The following PLCXD3 variants were observed in gnomAD, a reference collection of about 807,000 sequenced individuals.
PLCXD3 encodes the protein PI-PLC X domain-containing protein 3.
In PLCXD3, 19 loss-of-function variants were observed where a neutral mutation model predicts 25.5. The ratio of observed to expected loss-of-function variants is 0.75; its 90% confidence interval spans 0.52 to 1.09. PLCXD3 has a LOEUF of 1.09. PLCXD3 is among the 50% of genes least tolerant of loss of function. PLCXD3 has a pLI of 0.00. For missense variants in PLCXD3, 411 were observed against 388.1 expected, an observed-to-expected ratio of 1.06 and a Z score of -0.50; for synonymous variants, 174 against 137.6, an observed-to-expected ratio of 1.26 and a Z score of -1.85.
intron 2 of PLCXD3, among the ~76,000 whole-genome samples, chr5:41,337,621 C>T (rs543449576): frequency 1.6e-3 from 250 of 152,288 alleles, no homozygotes; most frequent in African/African-American, 5.7e-3. Flanking sequence ...TTGACCATAA[C>T]ATCCCAGGTG....
intron 1 of PLCXD3, among the ~76,000 whole-genome samples, chr5:41,507,521 C>T (rs2111599273): frequency 6.6e-6 from 1 of 152,312 alleles, no homozygotes; most frequent in Non-Finnish European, 1.5e-5. Flanking sequence ...TACTCTGAAA[C>T]CATTCAAACT....
chr5:41,337,793 C>T (rs1233642920), intron 2 of PLCXD3, among the ~76,000 whole-genome samples: 1 of 152,048 alleles, frequency 6.6e-6, no homozygotes, highest in East Asian at 1.9e-4. Context: ...GTTGTTAATT[C>T]TATAATTTCC....
intron 1 of PLCXD3, among the ~76,000 whole-genome samples, chr5:41,460,430 A>G (rs1747848653): frequency 6.6e-6 from 1 of 151,888 alleles, no homozygotes; most frequent in African/African-American, 2.4e-5. Flanking sequence ...TCATATCTAT[A>G]TTTTTTAAAG....
chr5:41,456,537 C>G (rs1747757352), intron 1 of PLCXD3: 10 of 935,474 alleles, frequency 1.1e-5, no homozygotes, highest in Non-Finnish European at 1.3e-5. Flanking sequence ...TTCTTAATCT[C>G]TAGACTTACC....
At chr5:41,425,933 T>C (rs1746945388) in intron 1 of PLCXD3, among the ~76,000 whole-genome samples, 1 of 152,234 alleles carries the variant, frequency 6.6e-6, no homozygotes, top group East Asian at 1.9e-4. Context: ...CAGGTTTTCA[T>C]GTAGACATAA....
chr5:41,424,310 G>A (rs1352249176), intron 1 of PLCXD3, among the ~76,000 whole-genome samples: 6 of 152,124 alleles, frequency 3.9e-5, no homozygotes, highest in South Asian at 2.1e-4. Context: ...TTGAGAGGCC[G>A]AGGCGGGCAG....
chr5:41,331,450 A>G (rs1743801302), intron 2 of PLCXD3, among the ~76,000 whole-genome samples: 1 of 152,184 alleles, frequency 6.6e-6, no homozygotes, highest in East Asian at 1.9e-4. Flanking sequence ...AGAGGATACA[A>G]AGAAATGGAA....
chr5:41,437,981 T>C (rs1278257452), intron 1 of PLCXD3, among the ~76,000 whole-genome samples: 1 of 152,184 alleles, frequency 6.6e-6, no homozygotes, highest in Non-Finnish European at 1.5e-5. Context: ...CTTGGAGCCA[T>C]GTGTAATGCT....
chr5:41,355,459 C>T (rs562484542), intron 2 of PLCXD3, among the ~76,000 whole-genome samples: 3 of 152,202 alleles, frequency 2.0e-5, no homozygotes, highest in African/African-American at 4.8e-5. Flanking sequence ...TATCATAATC[C>T]AACCCCTATG....
chr5:41,377,655 T>C (rs965566438), intron 2 of PLCXD3, among the ~76,000 whole-genome samples: 1 of 152,092 alleles, frequency 6.6e-6, no homozygotes, highest in African/African-American at 2.4e-5. Flanking sequence ...AGAAAACGAA[T>C]CTGCAGTATT....
chr5:41,431,801 G>A (rs567403416), intron 1 of PLCXD3, among the ~76,000 whole-genome samples: 53 of 152,308 alleles, frequency 3.5e-4, no homozygotes, highest in African/African-American at 1.2e-3. Flanking sequence ...GTGAGACACA[G>A]TTAATTTCAG....
chr5:41,469,884 G>T (rs1748112269), intron 1 of PLCXD3, among the ~76,000 whole-genome samples: 1 of 152,034 alleles, frequency 6.6e-6, no homozygotes, highest in Non-Finnish European at 1.5e-5. Flanking sequence ...AAGTTCTTAG[G>T]TACCAATAAA....
At chr5:41,341,074 A>G (rs1744135122) in intron 2 of PLCXD3, among the ~76,000 whole-genome samples, 1 of 152,188 alleles carries the variant, frequency 6.6e-6, no homozygotes, top group African/African-American at 2.4e-5. Flanking sequence ...TTCTAATGAC[A>G]AAAGTTTATA....
chr5:41,404,882 T>C (rs1393297534), intron 1 of PLCXD3, among the ~76,000 whole-genome samples: 1 of 152,180 alleles, frequency 6.6e-6, no homozygotes, highest in Non-Finnish European at 1.5e-5. Flanking sequence ...ATGCTGTGAA[T>C]GTTCAATTCC....
At chr5:41,414,812 A>G (rs922124507) in intron 1 of PLCXD3, among the ~76,000 whole-genome samples, 3 of 152,210 alleles carry the variant, frequency 2.0e-5, no homozygotes, top group Admixed American at 2.0e-4. Flanking sequence ...GTATTCACAC[A>G]GTCTACACTA....
intron 1 of PLCXD3, among the ~76,000 whole-genome samples, chr5:41,498,870 GAT>G (rs1748893776): frequency 6.6e-6 from 1 of 151,570 alleles, no homozygotes; most frequent in Non-Finnish European, 1.5e-5. Flanking sequence ...CAATTAATGT[GAT>G]ATACCATGTA....
chr5:41,350,630 C>T (rs939452059), intron 2 of PLCXD3, among the ~76,000 whole-genome samples: 6 of 152,094 alleles, frequency 3.9e-5, no homozygotes, highest in Non-Finnish European at 7.3e-5. Flanking sequence ...GAGCATATAA[C>T]GTGAATCAGC....
chr5:41,403,739 A>C (rs918006549), intron 1 of PLCXD3, among the ~76,000 whole-genome samples: 32 of 137,166 alleles, frequency 2.3e-4, no homozygotes, highest in Admixed American at 2.1e-3. Flanking sequence ...TGAACTCATC[A>C]TTTTTTATGG....
intron 1 of PLCXD3, among the ~76,000 whole-genome samples, chr5:41,482,359 G>T (rs592607): frequency 0.039 from 5,930 of 152,196 alleles, 360 homozygotes; most frequent in African/African-American, 0.13. Flanking sequence ...TCTTTGTAGG[G>T]CTTTGTAGTC....
Sources: allele counts gnomAD v4.1 joint callset (sites outside exome capture counted in the v4.1 genomes callset), GRCh38; gene constraint gnomAD v4.1.1; transcripts MANE v1.5; gene names NCBI Gene and HGNC (gene_info 2026-07-23, HGNC 2026-07-21).